Variants in CALN1 observed in about 807,000 individuals in gnomAD.
CALN1 encodes calcium-binding protein 8.
CALN1 carries 17 observed loss-of-function variants against 30.6 expected under a neutral mutation model. That is an observed-to-expected ratio of 0.56 (90% confidence interval 0.38 to 0.83). The LOEUF (loss-of-function observed/expected upper bound fraction) is 0.83. Ranked by LOEUF, CALN1 falls within the 40% of genes least tolerant of loss-of-function variation. The pLI is 0.00. For synonymous variants in CALN1, 156 were observed against 131.4 expected (o/e 1.19, Z -1.28); for missense variants, 291 against 354.9 (o/e 0.82, Z 1.45).
At chr7:72,371,612 T>C (rs1034268593) in intron 2 of CALN1, among the ~76,000 whole-genome samples, 2 of 152,232 alleles carry the variant, frequency 1.3e-5, no homozygotes, top group African/African-American at 4.8e-5. Flanking sequence ...CTTTACTTTA[T>C]AAATTACCCA....
intron 2 of CALN1, among the ~76,000 whole-genome samples, chr7:72,402,262 T>C (rs756955802): frequency 5.9e-5 from 9 of 152,120 alleles, no homozygotes; most frequent in Non-Finnish European, 1.0e-4. Context: ...CTGAACAGAG[T>C]CTTGTAGCAT....
intron 5 of CALN1, among the ~76,000 whole-genome samples, chr7:71,823,906 A>G (rs1471219405): frequency 6.6e-6 from 1 of 151,974 alleles, no homozygotes; most frequent in Non-Finnish European, 1.5e-5. Flanking sequence ...GTGCAAAGGG[A>G]CTCATCTTTA....
intron 3 of CALN1, among the ~76,000 whole-genome samples, chr7:72,139,159 C>A (rs991819363): frequency 1.3e-5 from 2 of 152,186 alleles, no homozygotes; most frequent in Admixed American, 6.5e-5. Context: ...TATTCCACAC[C>A]AGGCCAGAGC....
At chr7:72,044,494 G>C (rs1224819690) in intron 4 of CALN1, among the ~76,000 whole-genome samples, 1 of 151,818 alleles carries the variant, frequency 6.6e-6, no homozygotes, top group Non-Finnish European at 1.5e-5. Context: ...AAATTATCCA[G>C]GCAAGAGAGA....
intron 2 of CALN1, among the ~76,000 whole-genome samples, chr7:72,302,066 AT>A (rs1799304572): frequency 6.6e-6 from 1 of 152,202 alleles, no homozygotes; most frequent in African/African-American, 2.4e-5. Flanking sequence ...GAGATGAGGA[AT>A]TGAAGAAAGT....
intron 3 of CALN1, among the ~76,000 whole-genome samples, chr7:72,182,971 G>C (rs748035968): frequency 2.0e-5 from 3 of 152,116 alleles, no homozygotes; most frequent in Non-Finnish European, 4.4e-5. Flanking sequence ...AGGAGTCTAC[G>C]TGTGGTCAAC....
chr7:71,978,361 T>C (rs984230892), intron 5 of CALN1, among the ~76,000 whole-genome samples: 11 of 135,718 alleles, frequency 8.1e-5, no homozygotes, highest in Non-Finnish European at 1.2e-4. Context: ...AAGCTCCGCC[T>C]CCTGGGTTCA....
At chr7:72,413,546 C>T (rs1457598071), upstream of CALN1, among the ~76,000 whole-genome samples, 2 of 151,606 alleles carry the variant, frequency 1.3e-5, no homozygotes, top group East Asian at 2.0e-4. Flanking sequence ...CTCACAAGCT[C>T]ATACATGCAT....
intron 2 of CALN1, among the ~76,000 whole-genome samples, chr7:72,314,954 C>A (rs1800337581): frequency 6.8e-6 from 1 of 146,854 alleles, no homozygotes. Context: ...CAAGACCAGC[C>A]TCAGCACACA....
At chr7:71,879,199 A>G (rs987827717) in intron 5 of CALN1, among the ~76,000 whole-genome samples, 1 of 152,232 alleles carries the variant, frequency 6.6e-6, no homozygotes, top group Non-Finnish European at 1.5e-5. Flanking sequence ...AGACCATAAA[A>G]TATTTAAATA....
chr7:71,853,181 A>G (rs1479139181), intron 5 of CALN1, among the ~76,000 whole-genome samples: 3 of 152,050 alleles, frequency 2.0e-5, no homozygotes, highest in Non-Finnish European at 2.9e-5. Flanking sequence ...GGCTCAAGCA[A>G]TCCTCCTGGC....
chr7:72,387,013 GA>G (rs1805246621), intron 2 of CALN1, among the ~76,000 whole-genome samples: 1 of 151,272 alleles, frequency 6.6e-6, no homozygotes, highest in Non-Finnish European at 1.5e-5. Flanking sequence ...GATGAGCCTG[GA>G]ACATCTTTCA....
chr7:72,154,351 C>T (rs966266910), intron 3 of CALN1, among the ~76,000 whole-genome samples: 2 of 152,144 alleles, frequency 1.3e-5, no homozygotes. Context: ...ATCTACATGT[C>T]TGACGACTGG....
chr7:71,802,973 G>A (rs1475030748), intron 6 of CALN1, among the ~76,000 whole-genome samples: 1 of 152,088 alleles, frequency 6.6e-6, no homozygotes, highest in Non-Finnish European at 1.5e-5. Context: ...GCAGTGAGCT[G>A]AGATCGCGCC....
At chr7:71,790,250 G>A (rs537216667) in intron 6 of CALN1, among the ~76,000 whole-genome samples, 160 of 146,178 alleles carry the variant, frequency 1.1e-3, no homozygotes, top group Non-Finnish European at 2.0e-3. Flanking sequence ...AGAAAGGAAG[G>A]AAGAAGAAAG....
intron 2 of CALN1, among the ~76,000 whole-genome samples, chr7:72,382,865 T>C (rs1176879496): frequency 1.3e-5 from 2 of 152,200 alleles, no homozygotes; most frequent in Non-Finnish European, 1.5e-5. Context: ...CTTGGCTCAC[T>C]GCAACCTCCA....
At chr7:71,792,508 G>A (rs1786628701) in intron 6 of CALN1, among the ~76,000 whole-genome samples, 1 of 152,142 alleles carries the variant, frequency 6.6e-6, no homozygotes, top group Non-Finnish European at 1.5e-5. Context: ...CTGTTTAGGT[G>A]TGGGTCTCAG....
chr7:72,002,158 A>G (rs776957775), intron 5 of CALN1, among the ~76,000 whole-genome samples: 3 of 152,210 alleles, frequency 2.0e-5, no homozygotes, highest in Non-Finnish European at 2.9e-5. Context: ...CTGCTAGTCA[A>G]CATCATACAG....
intron 3 of CALN1, among the ~76,000 whole-genome samples, chr7:72,278,467 G>A (rs1462602445): frequency 8.8e-6 from 1 of 113,298 alleles, no homozygotes; most frequent in East Asian, 3.8e-4. Flanking sequence ...AGGCTATCAG[G>A]TCTGTACACA....
Sources: allele counts gnomAD v4.1 joint callset (sites outside exome capture counted in the v4.1 genomes callset), GRCh38; gene constraint gnomAD v4.1.1; transcripts MANE v1.5; gene names NCBI Gene and HGNC (gene_info 2026-07-23, HGNC 2026-07-21).